Variants in PDGFC observed in about 807,000 individuals in gnomAD.
PDGFC encodes the protein platelet derived growth factor C.
A neutral mutation model predicts 35.5 loss-of-function variants in PDGFC; 12 were observed. That is an observed-to-expected ratio of 0.34 (90% confidence interval 0.22 to 0.55). The LOEUF is 0.55. Among genes scored for constraint, PDGFC ranks in the 20% least tolerant of loss-of-function variants. The pLI, the probability that PDGFC is intolerant of heterozygous loss-of-function variation, is 0.91. For synonymous variants in PDGFC, 159 were observed against 148.8 expected, an observed-to-expected ratio of 1.07 and a Z score of -0.50; for missense variants, 322 against 412.4, an observed-to-expected ratio of 0.78 and a Z score of 1.90.
At chr4:156,778,846 C>T (rs1394281478) in intron 3 of PDGFC, among the ~76,000 whole-genome samples, 9 of 152,300 alleles carry the variant, frequency 5.9e-5, no homozygotes, top group Admixed American at 3.3e-4. Flanking sequence ...TTGCAACTTT[C>T]CCAGTCAACT....
chr4:156,846,726 A>G (rs1387011226), intron 2 of PDGFC, among the ~76,000 whole-genome samples: 1 of 151,754 alleles, frequency 6.6e-6, no homozygotes, highest in Non-Finnish European at 1.5e-5. Flanking sequence ...AACAACACAC[A>G]GTGGGTACAA....
chr4:156,910,155 T>G, intron 1 of PDGFC, among the ~76,000 whole-genome samples: 1 of 152,244 alleles, frequency 6.6e-6, no homozygotes, highest in South Asian at 2.1e-4. Context: ...CCTCCCTGCT[T>G]GGGGCAGTTT....
intron 1 of PDGFC, among the ~76,000 whole-genome samples, chr4:156,901,221 T>C (rs955133476): frequency 3.3e-5 from 5 of 152,320 alleles, no homozygotes; most frequent in African/African-American, 4.8e-5. Flanking sequence ...ATCTTTTAAA[T>C]TGACCATGGG....
intron 2 of PDGFC, among the ~76,000 whole-genome samples, chr4:156,823,589 A>T (rs899811879): frequency 6.6e-6 from 1 of 152,338 alleles, no homozygotes; most frequent in Non-Finnish European, 1.5e-5. Context: ...GAAAAATACA[A>T]TAGTGTGAGT....
chr4:156,836,617 C>A (rs560769694), intron 2 of PDGFC, among the ~76,000 whole-genome samples: 1 of 152,162 alleles, frequency 6.6e-6, no homozygotes, highest in African/African-American at 2.4e-5. Flanking sequence ...ATATTCATAT[C>A]ATTTCTTCTG....
chr4:156,766,710 T>C (rs1730539591), intron 5 of PDGFC, among the ~76,000 whole-genome samples: 1 of 152,220 alleles, frequency 6.6e-6, no homozygotes, highest in African/African-American at 2.4e-5. Flanking sequence ...GAAACCCTCA[T>C]CTGTTAGGTA....
intron 1 of PDGFC, among the ~76,000 whole-genome samples, chr4:156,968,726 T>C (rs1003758882): frequency 1.3e-5 from 2 of 152,112 alleles, no homozygotes; most frequent in Non-Finnish European, 2.9e-5. Context: ...AAACTACAAG[T>C]AGTTCCTCTA....
In PDGFC at chr4:156,883,438, A is replaced by G. The variant is rs342315; in HGVS notation, c.119-33022T>C. ...TGTACAACTCATCACAGCCTGCTAC[A>G]TTGCATTCTCTTTCATACTTACTTT... On this transcript the variant is annotated intron_variant, in intron 1 of 5. Coordinates refer to ENST00000502773, the MANE Select transcript of PDGFC (RefSeq NM_016205.3). 4.7e-3 allele frequency among the ~76,000 whole-genome samples: 711 copies of G among 152,290 alleles called. 6 individuals carry two copies. The highest frequency in any genetic ancestry group is 0.016 in the African/African-American group (674 of 41,550).
At chr4:156,808,052 T>C (rs757270380) in intron 3 of PDGFC, among the ~76,000 whole-genome samples, 4 of 152,020 alleles carry the variant, frequency 2.6e-5, no homozygotes, top group South Asian at 2.1e-4. Context: ...TTTGGTAATA[T>C]AGCGTAATAT....
intron 1 of PDGFC, among the ~76,000 whole-genome samples, chr4:156,887,464 T>C (rs1400985142): frequency 6.6e-6 from 1 of 152,198 alleles, no homozygotes; most frequent in Non-Finnish European, 1.5e-5. Context: ...CCTGAGGTCA[T>C]ATATTTTAAC....
chr4:156,935,658 T>C (rs1001017877), intron 1 of PDGFC, among the ~76,000 whole-genome samples: 26 of 152,338 alleles, frequency 1.7e-4, no homozygotes, highest in Non-Finnish European at 3.5e-4. Flanking sequence ...GATGTCTTTA[T>C]ACAGAAACAC....
intron 1 of PDGFC, among the ~76,000 whole-genome samples, chr4:156,962,989 C>T (rs1462837383): frequency 1.3e-5 from 2 of 152,134 alleles, no homozygotes; most frequent in Admixed American, 6.5e-5. Flanking sequence ...TTTATCAGCA[C>T]ATAGTGTATA....
intron 1 of PDGFC, among the ~76,000 whole-genome samples, chr4:156,912,470 G>A (rs947673667): frequency 3.3e-5 from 5 of 152,160 alleles, no homozygotes; most frequent in African/African-American, 1.2e-4. Flanking sequence ...TTCCCTGACT[G>A]CTTGCTTCCC....
chr4:156,942,496 G>T (rs1731833192), intron 1 of PDGFC, among the ~76,000 whole-genome samples: 1 of 151,764 alleles, frequency 6.6e-6, no homozygotes, highest in South Asian at 2.1e-4. Flanking sequence ...ACAGCTGTAT[G>T]AAAATTGAGG....
At chr4:156,861,937 T>C (rs1729721795) in intron 1 of PDGFC, among the ~76,000 whole-genome samples, 7 of 151,556 alleles carry the variant, frequency 4.6e-5, no homozygotes, top group Admixed American at 4.6e-4. Context: ...TCCCAGAAAC[T>C]ACATATTTAA....
At chr4:156,816,304 A>G (rs1732085078) in intron 2 of PDGFC, among the ~76,000 whole-genome samples, 1 of 152,192 alleles carries the variant, frequency 6.6e-6, no homozygotes, top group Admixed American at 6.5e-5. Flanking sequence ...CTGGAGTCTA[A>G]GCTTGTTGAG....
rs143875704 is a variant in PDGFC, at chr4:156,826,843, T to C, written c.315-15826A>G. Reference sequence around the variant, plus strand: ...GCCATTTTAATTCTTCATTTATATATACAAATTTAGGTCTTGGTGATGTCC... The same window carrying C: ...GCCATTTTAATTCTTCATTTATATACACAAATTTAGGTCTTGGTGATGTCC... On this transcript the variant is annotated intron_variant, in intron 2 of 5. Transcript: ENST00000502773. 2.2e-4 allele frequency among the ~76,000 whole-genome samples: 33 copies of C among 152,290 alleles called. No homozygotes were observed. In the East Asian group the frequency reaches 6.2e-3, roughly 29 times the overall value.
intron 1 of PDGFC, among the ~76,000 whole-genome samples, chr4:156,943,524 C>G (rs1423398588): frequency 6.6e-6 from 1 of 152,082 alleles, no homozygotes; most frequent in Non-Finnish European, 1.5e-5. Context: ...ACAAGCACCA[C>G]TATAAGTGCA....
chr4:156,962,673 G>A (rs1054405780), intron 1 of PDGFC, among the ~76,000 whole-genome samples: 4 of 152,184 alleles, frequency 2.6e-5, no homozygotes, highest in Admixed American at 6.5e-5. Context: ...GAAGAGGCAC[G>A]TGGCTCTGAG....
Sources: gnomAD v4.1 joint callset for allele counts (sites outside exome capture counted in the v4.1 genomes callset) on GRCh38, gnomAD v4.1.1 for gene constraint, MANE v1.5 for transcripts, NCBI Gene and HGNC (gene_info 2026-07-23, HGNC 2026-07-21) for gene names.